The following NTM variants were observed in gnomAD, a reference collection of about 807,000 sequenced individuals.
NTM encodes the protein neurotrimin, also known as IgLON family member 2.
Under a neutral mutation model 42.1 loss-of-function variants are expected in NTM, and 13 were observed. That is an observed-to-expected ratio of 0.31 (90% CI 0.20 to 0.49). The LOEUF (loss-of-function observed/expected upper bound fraction) is 0.49, where lower values mean the gene tolerates loss of function less well. NTM is among the 20% of genes least tolerant of loss of function. The pLI is 0.99. For missense variants in NTM, 373 were observed against 452.8 expected (o/e 0.82, Z 1.60); for synonymous variants, 187 against 179.2 (o/e 1.04, Z -0.35).
intron 1 of NTM, among the ~76,000 whole-genome samples, chr11:131,899,138 T>A (rs1489942180): frequency 6.6e-6 from 1 of 151,420 alleles, no homozygotes; most frequent in Non-Finnish European, 1.5e-5. Flanking sequence ...CCAAGTGAAG[T>A]GAAGTATGTG....
At chr11:131,465,543 C>T (rs917606068) in intron 1 of NTM, among the ~76,000 whole-genome samples, 2 of 152,160 alleles carry the variant, frequency 1.3e-5, no homozygotes, top group Admixed American at 6.5e-5. Flanking sequence ...TCTTGTCATA[C>T]CTGGGGTCTT....
chr11:132,187,683 G>A (rs546577808), intron 3 of NTM, among the ~76,000 whole-genome samples: 11 of 152,304 alleles, frequency 7.2e-5, no homozygotes, highest in African/African-American at 1.2e-4. Flanking sequence ...GAGATTTGAG[G>A]CATCTCTGGG....
chr11:131,636,404 G>C (rs535687029), intron 1 of NTM, among the ~76,000 whole-genome samples: 2 of 152,214 alleles, frequency 1.3e-5, no homozygotes, highest in South Asian at 2.1e-4. Context: ...TCCTCCCTGC[G>C]GAACCCTCGG....
chr11:132,204,019 T>A (rs1014216959), intron 3 of NTM, among the ~76,000 whole-genome samples: 2 of 152,272 alleles, frequency 1.3e-5, no homozygotes, highest in Non-Finnish European at 2.9e-5. Flanking sequence ...GTGTGGGAAC[T>A]AATTAGGATG....
rs565789156 is a variant in NTM, at chr11:131,742,005, A to T, written c.83-169559A>T. 2.0e-4 allele frequency among the ~76,000 whole-genome samples: 31 copies of T among 152,310 alleles called. No individual in the cohort carries two copies. In the South Asian group the frequency reaches 6.2e-3, roughly 31 times the overall value. ...AACCAAATACCGCATGTTTTCACGT[A>T]TGAGTAGGAGCTAAATGATGAGAAC... On this transcript the variant is annotated intron_variant, in intron 1 of 8. Transcript: ENST00000683400.
At chr11:131,453,394 G>A (rs1335460945) in intron 1 of NTM, among the ~76,000 whole-genome samples, 1 of 152,038 alleles carries the variant, frequency 6.6e-6, no homozygotes, top group Non-Finnish European at 1.5e-5. Context: ...AGGAGGCTTG[G>A]GGAACAGTAA....
At chr11:131,725,848 A>G (rs2078900987) in intron 1 of NTM, among the ~76,000 whole-genome samples, 1 of 152,190 alleles carries the variant, frequency 6.6e-6, no homozygotes. Context: ...AGCGTGAATC[A>G]GAACCACCTG....
rs185659827 is a variant in NTM at position 131,676,661 on chromosome 11, A to T, written c.83-234903A>T. ...GGCACCACAATTAGCCATTGGAGAG[A>T]CAGATTTGCTCAAGAAGTCTGCCTG... On this transcript the variant is annotated intron_variant, in intron 1 of 8. Coordinates refer to ENST00000683400, the MANE Select transcript of NTM (RefSeq NM_001352005.2). 7.9e-5 allele frequency among the ~76,000 whole-genome samples: 12 copies of T among 152,324 alleles called. No individual in the cohort carries two copies. In the East Asian group the frequency reaches 1.5e-3, roughly 20 times the overall value.
intron 1 of NTM, among the ~76,000 whole-genome samples, chr11:131,472,746 G>A (rs1952560858): frequency 6.6e-6 from 1 of 152,194 alleles, no homozygotes; most frequent in East Asian, 1.9e-4. Flanking sequence ...AGCCCTCTGA[G>A]GTAGTATTTA....
At chr11:131,628,565 C>T (rs972026040) in intron 1 of NTM, among the ~76,000 whole-genome samples, 1 of 152,126 alleles carries the variant, frequency 6.6e-6, no homozygotes, top group African/African-American at 2.4e-5. Context: ...TTATTTTGGG[C>T]CTGTCTGGCA....
chr11:132,083,542 C>A (rs1282854381), intron 2 of NTM, among the ~76,000 whole-genome samples: 1 of 152,164 alleles, frequency 6.6e-6, no homozygotes, highest in East Asian at 1.9e-4. Flanking sequence ...TTCTTGAAGT[C>A]ACAAGAATAT....
chr11:132,173,864 A>G (rs1592009156), intron 3 of NTM, among the ~76,000 whole-genome samples: 1 of 152,290 alleles, frequency 6.6e-6, no homozygotes, highest in East Asian at 1.9e-4. Context: ...TCACAGCCTA[A>G]ATGGAATTAA....
rs1341750176 is a variant in NTM at position 131,392,305 on chromosome 11, G to GGGA, written c.82+21418_82+21419insGAG. On this transcript the variant is annotated intron_variant, in intron 1 of 8. Coordinates refer to ENST00000683400, the MANE Select transcript of NTM (RefSeq NM_001352005.2). Reference sequence around the variant, plus strand: ...GCAACCACAGAGCCCCTGAAGGGATGGTAGTCCTGTGTGCAACCACAGAGC... The same window carrying GGGA: ...GCAACCACAGAGCCCCTGAAGGGATGGGAGTAGTCCTGTGTGCAACCACAGAGC... Among the ~76,000 whole-genome samples the GGGA allele has an allele frequency of 2.0e-3, 303 of 148,090 alleles. 16 individuals are homozygous for GGGA. The highest frequency in any genetic ancestry group is 3.2e-3 in the African/African-American group (126 of 39,932).
chr11:131,629,499 A>G (rs1220260629), intron 1 of NTM, among the ~76,000 whole-genome samples: 1 of 152,214 alleles, frequency 6.6e-6, no homozygotes, highest in Admixed American at 6.5e-5. Flanking sequence ...AAATGTACAG[A>G]CACAAATATC....
At chr11:131,781,087 A>T (rs983572481) in intron 1 of NTM, among the ~76,000 whole-genome samples, 9 of 152,142 alleles carry the variant, frequency 5.9e-5, no homozygotes, top group Admixed American at 2.6e-4. Context: ...TATGAAAAAG[A>T]GATAAAATAG....
intron 7 of NTM, chr11:132,317,677 A>C (rs760118335): frequency 1.1e-5 from 14 of 1,303,830 alleles, no homozygotes; most frequent in Non-Finnish European, 1.4e-5. Flanking sequence ...CTACGAGCTC[A>C]ACTTTGTTGC....
At chr11:132,045,445 A>T (rs1223812062) in intron 2 of NTM, among the ~76,000 whole-genome samples, 14 of 152,282 alleles carry the variant, frequency 9.2e-5, no homozygotes, top group African/African-American at 2.6e-4. Context: ...ATTATTCTAC[A>T]TGTAGAGATA....
chr11:131,707,077 C>T (rs2076666122), intron 1 of NTM, among the ~76,000 whole-genome samples: 1 of 151,900 alleles, frequency 6.6e-6, no homozygotes, highest in African/African-American at 2.4e-5. Flanking sequence ...ATCACTAAAA[C>T]ATAATTCTTC....
chr11:131,510,264 C>T (rs555691904), intron 1 of NTM, among the ~76,000 whole-genome samples: 8 of 152,326 alleles, frequency 5.3e-5, no homozygotes, highest in Non-Finnish European at 1.0e-4. Flanking sequence ...TCATCCGCAG[C>T]GGGCTTTCTA....
Sources: allele counts gnomAD v4.1 joint callset (sites outside exome capture counted in the v4.1 genomes callset), GRCh38; gene constraint gnomAD v4.1.1; transcripts MANE v1.5; gene names NCBI Gene and HGNC (gene_info 2026-07-23, HGNC 2026-07-21).